Variants in LONP2 observed in about 807,000 individuals in gnomAD.
LONP2 encodes the protein lon protease homolog 2, peroxisomal.
In LONP2, 60 loss-of-function variants were observed where a neutral mutation model predicts 85.6. That is an observed-to-expected ratio of 0.70 (90% CI 0.57 to 0.87). The LOEUF (loss-of-function observed/expected upper bound fraction) is 0.87. Ranked by LOEUF, LONP2 falls within the 40% of genes least tolerant of loss-of-function variation. The probability of loss-of-function intolerance (pLI) is 0.00; values close to 1 mark genes in which losing one functional copy is unlikely to be tolerated. For synonymous variants in LONP2, 395 were observed against 389.7 expected (o/e 1.01, Z -0.16); for missense variants, 860 against 1,063.5 (o/e 0.81, Z 2.66).
chr16:48,298,699 A>C lies in LONP2; in HGVS notation c.1535-963A>C, dbSNP rs1324604301. 2.6e-5 allele frequency among the ~76,000 whole-genome samples: 4 copies of C among 151,252 alleles called. No homozygotes were observed. The East Asian group carries it at 7.8e-4, about 29-fold the overall frequency. Reference sequence around the variant, plus strand: ...AAGTATAGATCAAATTAGGCTAAAAAGATGCATTTATTCTTCTATTTGAAA... The same window carrying C: ...AAGTATAGATCAAATTAGGCTAAAACGATGCATTTATTCTTCTATTTGAAA... On this transcript the variant is annotated intron_variant, in intron 9 of 14. Coordinates refer to ENST00000285737, the MANE Select transcript of LONP2 (RefSeq NM_031490.5).
chr16:48,245,169 TCTC>T (rs747544541), intron 1 of LONP2, among the ~76,000 whole-genome samples: 20 of 152,120 alleles, frequency 1.3e-4, no homozygotes, highest in African/African-American at 2.7e-4. Context: ...CTGCCACCCT[TCTC>T]CTTCTCCCCC....
At chr16:48,247,744 A>C (rs1971489827) in intron 1 of LONP2, among the ~76,000 whole-genome samples, 1 of 152,206 alleles carries the variant, frequency 6.6e-6, no homozygotes, top group Non-Finnish European at 1.5e-5. Context: ...CCTTTCAAGC[A>C]TTTCAAGATG....
At chr16:48,338,013 T>A (rs1314113820) in intron 12 of LONP2, among the ~76,000 whole-genome samples, 1 of 152,040 alleles carries the variant, frequency 6.6e-6, no homozygotes, top group Non-Finnish European at 1.5e-5. Flanking sequence ...CACCATGTTG[T>A]CCCAGACTGG....
rs1199975794 is a variant in LONP2, at chr16:48,268,668, T to G, written c.983-1348T>G. Among the ~76,000 whole-genome samples, 4 of 152,180 alleles carry G rather than the reference T, an allele frequency of 2.6e-5. No individual in the cohort carries two copies. In the East Asian group the frequency reaches 7.7e-4, roughly 29 times the overall value. ...GAAACAATTGAGAAACTCTCTATCTTTCACTTCTTCATATATTCATTGGTT... is the reference window on the plus strand; with the variant it reads ...GAAACAATTGAGAAACTCTCTATCTGTCACTTCTTCATATATTCATTGGTT... On this transcript the variant is annotated intron_variant, in intron 6 of 14. Transcript: ENST00000285737.
chr16:48,317,393 C>T (rs1973168320), intron 11 of LONP2, among the ~76,000 whole-genome samples: 1 of 152,158 alleles, frequency 6.6e-6, no homozygotes, highest in Non-Finnish European at 1.5e-5. Context: ...TCTAAACATA[C>T]CATCTACTCT....
At chr16:48,297,786 A>G (rs547597413) in intron 9 of LONP2, among the ~76,000 whole-genome samples, 2 of 151,726 alleles carry the variant, frequency 1.3e-5, no homozygotes, top group East Asian at 1.9e-4. Context: ...TGCAACCTCT[A>G]TGTCCCAGGT....
chr16:48,300,910 G>A (rs575867295), intron 10 of LONP2, among the ~76,000 whole-genome samples: 1 of 152,118 alleles, frequency 6.6e-6, no homozygotes, highest in Non-Finnish European at 1.5e-5. Context: ...AAAATCCAGA[G>A]TTTATCTGAA....
chr16:48,327,683 C>T (rs980370839), intron 11 of LONP2, among the ~76,000 whole-genome samples: 1 of 152,186 alleles, frequency 6.6e-6, no homozygotes, highest in Admixed American at 6.5e-5. Context: ...GTCTCGAACT[C>T]CTCACCTCAG....
At position 48,256,839 on chromosome 16, in the gene LONP2, G is replaced by A. The variant is rs1203945566; in HGVS notation, c.600+98G>A. ...TTTTGACCTTCAAGAAAAAGATATT[G>A]GAGACCCAAAGTAATTGAAATGCTT... On this transcript the variant is annotated intron_variant, in intron 3 of 14. Coordinates refer to ENST00000285737, the MANE Select transcript of LONP2 (RefSeq NM_031490.5). 2.7e-6 allele frequency: 3 copies of A among 1,128,406 alleles called. No homozygotes were observed. The East Asian group carries it at 7.4e-5, about 28-fold the overall frequency. 69.9% of individuals were successfully genotyped at this position (1,128,406 alleles called of 1,614,324 possible).
chr16:48,341,862 C>T (rs1337362535), intron 12 of LONP2, among the ~76,000 whole-genome samples: 2 of 152,178 alleles, frequency 1.3e-5, no homozygotes, highest in East Asian at 1.9e-4. Context: ...TGTGCTATCA[C>T]GGCAAGACTC....
At position 48,325,237 on chromosome 16, in the gene LONP2, G is replaced by A. The variant is rs139769738; in HGVS notation, c.1796-8979G>A. On this transcript the variant is annotated intron_variant, in intron 11 of 14. Coordinates refer to ENST00000285737, the MANE Select transcript of LONP2 (RefSeq NM_031490.5). Reference sequence around the variant, plus strand: ...TGCCGCTGCTGATCTGACCGGAGGCGGTGCTCAGGCCGTAATGCTTGCCCA... The same window carrying A: ...TGCCGCTGCTGATCTGACCGGAGGCAGTGCTCAGGCCGTAATGCTTGCCCA... 8.7e-4 allele frequency among the ~76,000 whole-genome samples: 132 copies of A among 152,238 alleles called. 2 individuals carry two copies. The East Asian group carries it at 0.025, about 28-fold the overall frequency.
intron 11 of LONP2, among the ~76,000 whole-genome samples, chr16:48,329,308 A>G (rs1433942389): frequency 1.3e-5 from 2 of 152,144 alleles, no homozygotes; most frequent in Non-Finnish European, 2.9e-5. Context: ...ATGTCGAGCC[A>G]TCCTGCTCTG....
rs139308041 is a variant in LONP2, at chr16:48,310,729, C to G, written c.1795+7424C>G. ...GTTCTGTCATGTTGCCCTTTTATTTCTTTCTTTTCCTTATTTGTATAATTG... is the reference window on the plus strand; with the variant it reads ...GTTCTGTCATGTTGCCCTTTTATTTGTTTCTTTTCCTTATTTGTATAATTG... On this transcript the variant is annotated intron_variant, in intron 11 of 14. Coordinates refer to ENST00000285737, the MANE Select transcript of LONP2 (RefSeq NM_031490.5). Among the ~76,000 whole-genome samples the G allele has an allele frequency of 5.7e-4, 86 of 152,116 alleles. No individual in the cohort carries two copies. In the East Asian group the frequency reaches 0.016, roughly 28 times the overall value.
intron 11 of LONP2, among the ~76,000 whole-genome samples, chr16:48,327,823 T>A (rs796150467): frequency 5.3e-5 from 8 of 152,380 alleles, no homozygotes; most frequent in African/African-American, 1.9e-4. Flanking sequence ...TAGGGAGCAC[T>A]TATATGAAAT....
intron 8 of LONP2, among the ~76,000 whole-genome samples, chr16:48,289,265 C>T (rs1203482472): frequency 1.3e-5 from 2 of 152,088 alleles, no homozygotes; most frequent in Admixed American, 1.3e-4. Context: ...CGACACGTGC[C>T]CAAGGTGGTC....
At position 48,335,914 on chromosome 16, in the gene LONP2, T is replaced by C. The variant is rs28599555; in HGVS notation, c.1938+1556T>C. Among the ~76,000 whole-genome samples the C allele has an allele frequency of 4.3e-3, 656 of 152,304 alleles. 3 individuals carry two copies. Among genetic ancestry groups the C allele is most frequent in the African/African-American group, 0.015 (621 of 41,566 alleles). ...GATATCATGGATTTGAATTTTGAAG[T>C]GTTGAAAGAACTTGAGCAAAACATT... On this transcript the variant is annotated intron_variant, in intron 12 of 14. Coordinates refer to ENST00000285737, the MANE Select transcript of LONP2 (RefSeq NM_031490.5).
rs575776752 is a variant in LONP2, at chr16:48,354,772, C to G, written c.*2970C>G. ...GAAAGATCTGGAGGGTCAGGCCACT[C>G]TTTTTCTTCAAAATAATGGGGTGCA... On this transcript the variant is annotated 3_prime_UTR_variant, in exon 15 of 15. Transcript: ENST00000285737. The G allele has an allele frequency of 1.3e-5, 2 of 152,310 alleles. No individual in the cohort carries two copies. Among genetic ancestry groups the G allele is most frequent in the East Asian group, 3.9e-4 (2 of 5,182 alleles). The allele number at this position is 152,310 out of a possible 1,614,324, so 9.4% of individuals were successfully genotyped here. A position where few individuals can be genotyped will look rare whatever the true frequency, so the allele number is the denominator to read the frequency against.
At chr16:48,260,906 C>T (rs567693942) in intron 4 of LONP2, among the ~76,000 whole-genome samples, 129 of 151,842 alleles carry the variant, frequency 8.5e-4, no homozygotes, top group African/African-American at 3.1e-3. Context: ...GTAAATAGTG[C>T]GATAGTTAAC....
chr16:48,312,660 G>A (rs1424262843), intron 11 of LONP2, among the ~76,000 whole-genome samples: 3 of 152,082 alleles, frequency 2.0e-5, no homozygotes, highest in Non-Finnish European at 4.4e-5. Context: ...CTGCCTAGCT[G>A]GGGTGGATGA....
Sources: gnomAD v4.1 joint callset for allele counts (sites outside exome capture counted in the v4.1 genomes callset) on GRCh38, gnomAD v4.1.1 for gene constraint, MANE v1.5 for transcripts, NCBI Gene and HGNC (gene_info 2026-07-23, HGNC 2026-07-21) for gene names.